CARF: variants seen among roughly 807,000 people sequenced by gnomAD.
CARF encodes the protein calcium-responsive transcription factor.
Under a neutral mutation model 82.0 loss-of-function variants are expected in CARF, and 57 were observed. The observed-to-expected ratio is 0.70, with a 90% confidence interval of 0.56 to 0.87. CARF has a LOEUF of 0.87. CARF is among the 40% of genes least tolerant of loss of function. The pLI is 0.00. For synonymous variants in CARF, 268 were observed against 290.1 expected (o/e 0.92, Z 0.77); for missense variants, 771 against 855.8 (o/e 0.90, Z 1.24).
At chr2:202,937,275 A>AT (rs963025951) in intron 3 of CARF, among the ~76,000 whole-genome samples, 11 of 151,766 alleles carry the variant, frequency 7.2e-5, no homozygotes, top group Admixed American at 1.3e-4. Flanking sequence ...AGTTACATGC[A>AT]TTTTTTTTAG....
chr2:202,972,219 T>A (rs940858986), intron 12 of CARF, among the ~76,000 whole-genome samples: 7 of 151,984 alleles, frequency 4.6e-5, no homozygotes, highest in Non-Finnish European at 8.8e-5. Context: ...AATAATTATA[T>A]AAGTAATTAT....
chr2:202,930,095 T>C (rs112758517), intron 3 of CARF, among the ~76,000 whole-genome samples: 9 of 152,224 alleles, frequency 5.9e-5, no homozygotes, highest in African/African-American at 2.2e-4. Flanking sequence ...TCGCCCAGGC[T>C]GGAGTGCAGT....
At chr2:202,921,470 T>C (rs1690776977) in intron 2 of CARF, among the ~76,000 whole-genome samples, 1 of 152,234 alleles carries the variant, frequency 6.6e-6, no homozygotes, top group Non-Finnish European at 1.5e-5. Context: ...TTAGCAAACA[T>C]GAGTTCACTT....
At chr2:202,957,508 A>T (rs563675929) in intron 8 of CARF, among the ~76,000 whole-genome samples, 3 of 151,936 alleles carry the variant, frequency 2.0e-5, no homozygotes, top group Admixed American at 6.6e-5. Context: ...CTTTTCCTAT[A>T]TGTTACTTTT....
intron 12 of CARF, among the ~76,000 whole-genome samples, chr2:202,972,617 C>T (rs1244234049): frequency 7.1e-6 from 1 of 140,892 alleles, no homozygotes; most frequent in East Asian, 2.2e-4. Flanking sequence ...GTGGAGGTTG[C>T]AGTGAGCCGA....
chr2:202,944,350 T>C (rs1193802865), intron 5 of CARF, among the ~76,000 whole-genome samples: 1 of 152,170 alleles, frequency 6.6e-6, no homozygotes, highest in Non-Finnish European at 1.5e-5. Context: ...TTCTGAATTT[T>C]CTACAATAAA....
chr2:202,939,974 A>T (rs1482716887), intron 3 of CARF, among the ~76,000 whole-genome samples: 1 of 151,748 alleles, frequency 6.6e-6, no homozygotes, highest in Admixed American at 6.6e-5. Flanking sequence ...ACAGACATGA[A>T]CCTCTGTTTC....
chr2:202,981,567 G>A lies in CARF; in HGVS notation c.1571G>A (p.Gly524Glu). ...TVTFAEGNSP[G>E]ESITTKVETN... The stretch of plus-strand genomic sequence containing the variant: ...TAATATAATTTAGGAAATTCACCAG[G>A]AGAATCAATTACCACCAAAGTGGAA... The change falls in exon 15 of 17, where the codon GGA (glycine) becomes GAA (glutamate). Residue 524 changes from glycine to glutamate, a missense_variant. Physicochemically the swap from Gly to Glu is moderately conservative, Grantham distance 98. Transcript: ENST00000438828. The A allele has an allele frequency of 6.3e-7, 1 of 1,597,262 alleles. No homozygotes were observed. Among genetic ancestry groups the A allele is most frequent in the Non-Finnish European group, 8.5e-7 (1 of 1,170,832 alleles).
intron 14 of CARF, among the ~76,000 whole-genome samples, chr2:202,979,988 C>G (rs1452041287): frequency 6.6e-6 from 1 of 152,084 alleles, no homozygotes; most frequent in Non-Finnish European, 1.5e-5. Context: ...GACAGGGTTT[C>G]ACTCTGTCAC....
chr2:202,920,683 A>G (rs771368596), intron 2 of CARF, among the ~76,000 whole-genome samples: 8 of 152,306 alleles, frequency 5.3e-5, no homozygotes, highest in Non-Finnish European at 1.0e-4. Flanking sequence ...AATGGGAAAG[A>G]AAGAAAAAGA....
At chr2:202,923,142 G>A (rs968210557) in intron 2 of CARF, among the ~76,000 whole-genome samples, 1 of 152,154 alleles carries the variant, frequency 6.6e-6, no homozygotes, top group Non-Finnish European at 1.5e-5. Context: ...TTGGGAGGCT[G>A]AGGCAGGAGA....
At chr2:202,955,856 G>A (rs1291816211) in intron 8 of CARF, 98 bp downstream of exon 8, 3 of 709,904 alleles carry the variant, frequency 4.2e-6, no homozygotes, top group Non-Finnish European at 6.9e-6. Flanking sequence ...ATAGTCTATA[G>A]TTACAGTATT....
Position 202,912,863 on chromosome 2 carries a change from G to A in CARF, c.-569G>A, listed in dbSNP as rs1460025736. ...CCTTTTATACCTTACGTTTAGAAGG[G>A]GAAAATCATCCTCCCACACCTTCTC... is the stretch of plus-strand genomic sequence containing the variant. On this transcript the variant is annotated 5_prime_UTR_variant, in exon 1 of 17. Transcript: ENST00000438828. 6.6e-6 allele frequency: 1 copy of A among 151,994 alleles called. No individual in the cohort carries two copies. The highest frequency in any genetic ancestry group is 2.4e-5 in the African/African-American group (1 of 41,394). The allele number at this position is 151,994 out of a possible 1,614,324, so 9.4% of individuals were successfully genotyped here. A position where few individuals can be genotyped will look rare whatever the true frequency, so the allele number is the denominator to read the frequency against.
intron 5 of CARF, among the ~76,000 whole-genome samples, chr2:202,950,902 G>A (rs2058725099): frequency 6.6e-6 from 1 of 151,982 alleles, no homozygotes; most frequent in Admixed American, 6.6e-5. Flanking sequence ...TGAACATTGG[G>A]GAAGGAAGGA....
intron 10 of CARF, 89 bp downstream of exon 10, chr2:202,967,187 C>A: frequency 1.5e-6 from 2 of 1,366,162 alleles, no homozygotes; most frequent in Non-Finnish European, 2.0e-6. Context: ...TATACAGTAC[C>A]AAAAAGTATA....
At position 202,981,571 on chromosome 2, in the gene CARF, A is replaced by G. The variant is rs779818418; in HGVS notation, c.1575A>G (p.Glu525=). 1.3e-6 allele frequency: 2 copies of G among 1,599,200 alleles called. No individual in the cohort carries two copies. The highest frequency in any genetic ancestry group is 1.7e-6 in the Non-Finnish European group (2 of 1,172,052). ...VTFAEGNSPG[E]SITTKVETNQ... ...ATAATTTAGGAAATTCACCAGGAGA[A>G]TCAATTACCACCAAAGTGGAAACAA... Residue 525 remains glutamate, a synonymous_variant, in exon 15 of 17, where the codon GAA becomes GAG. Transcript: ENST00000438828.
rs2059012442 is a variant in CARF, at chr2:202,955,860, C to A, written c.642+102C>A. ...GTACAACTAATATAGTCTATAGTTACAGTATTTTGTTTGTGTTTATGTTAA... is the reference window on the plus strand; with the variant it reads ...GTACAACTAATATAGTCTATAGTTAAAGTATTTTGTTTGTGTTTATGTTAA... On this transcript the variant is annotated intron_variant, in intron 8 of 16. Coordinates refer to ENST00000438828, the MANE Select transcript of CARF (RefSeq NM_024744.17). The A allele has an allele frequency of 1.0e-5, 7 of 687,194 alleles. 1 individual carries two copies. In the East Asian group the frequency reaches 1.9e-4, roughly 19 times the overall value. 42.6% of individuals were successfully genotyped at this position (687,194 alleles called of 1,614,324 possible).
At chr2:202,967,200 G>A in intron 10 of CARF, 102 bp downstream of exon 10, 2 of 1,287,788 alleles carry the variant, frequency 1.6e-6, no homozygotes, top group Non-Finnish European at 2.1e-6. Context: ...AAAGTATACA[G>A]TGAATTCTAA....
intron 3 of CARF, among the ~76,000 whole-genome samples, chr2:202,937,049 A>G (rs886311540): frequency 6.6e-6 from 1 of 152,174 alleles, no homozygotes; most frequent in African/African-American, 2.4e-5. Flanking sequence ...TTTGTTGAAG[A>G]TAGTATTCTT....
Sources: allele counts gnomAD v4.1 joint callset (sites outside exome capture counted in the v4.1 genomes callset), GRCh38; gene constraint gnomAD v4.1.1; transcripts MANE v1.5; gene names NCBI Gene and HGNC (gene_info 2026-07-23, HGNC 2026-07-21).